The following SAMD12 variants were observed in gnomAD, a reference collection of about 807,000 sequenced individuals.
SAMD12 encodes the protein sterile alpha motif domain-containing protein 12.
SAMD12 carries 9 observed loss-of-function variants against 15.0 expected under a neutral mutation model. The observed-to-expected ratio is 0.60, with a 90% CI of 0.36 to 1.05. The LOEUF is 1.05. Ranked by LOEUF, SAMD12 falls within the 50% of genes least tolerant of loss-of-function variation. The probability of loss-of-function intolerance (pLI) is 0.01; values close to 1 mark genes in which losing one functional copy is unlikely to be tolerated. For missense variants in SAMD12, 230 were observed against 234.2 expected (o/e 0.98, Z 0.12); for synonymous variants, 86 against 90.1 (o/e 0.96, Z 0.25).
At chr8:118,552,979 A>G (rs867526265) in intron 2 of SAMD12, among the ~76,000 whole-genome samples, 8,449 of 150,882 alleles carry the variant, frequency 0.056, 289 homozygotes, top group Non-Finnish European at 0.079. Flanking sequence ...TACAAGGGAC[A>G]TGAAGGACCT....
intron 1 of SAMD12, among the ~76,000 whole-genome samples, chr8:118,611,313 GAA>G (rs1200916221): frequency 6.6e-6 from 1 of 151,650 alleles, no homozygotes. Flanking sequence ...TTAGAAAGCA[GAA>G]AAAAAATGCT....
chr8:118,486,218 T>C (rs913519827), intron 2 of SAMD12, among the ~76,000 whole-genome samples: 8 of 151,826 alleles, frequency 5.3e-5, no homozygotes, highest in African/African-American at 1.5e-4. Flanking sequence ...ATAGAGACCA[T>C]CCTGGCTAAC....
At chr8:118,376,824 A>C (rs925315848), downstream of SAMD12, among the ~76,000 whole-genome samples, 1 of 152,178 alleles carries the variant, frequency 6.6e-6, no homozygotes, top group African/African-American at 2.4e-5. Context: ...TGAAGAATCA[A>C]ATATTCATTA....
intron 3 of SAMD12, among the ~76,000 whole-genome samples, chr8:118,386,046 C>T (rs1819937652): frequency 1.3e-5 from 2 of 152,162 alleles, no homozygotes; most frequent in Non-Finnish European, 2.9e-5. Flanking sequence ...CCTTGCTGAG[C>T]AGATGAGCAG....
intron 3 of SAMD12, among the ~76,000 whole-genome samples, chr8:118,381,797 G>T (rs941926820): frequency 1.3e-5 from 2 of 152,210 alleles, no homozygotes; most frequent in East Asian, 3.8e-4. Flanking sequence ...CAATAAATTT[G>T]TGTTGTTTAA....
chr8:118,436,810 G>A (rs982933242), intron 3 of SAMD12, among the ~76,000 whole-genome samples: 5 of 152,154 alleles, frequency 3.3e-5, no homozygotes, highest in Admixed American at 6.5e-5. Context: ...TACCATCAGG[G>A]CAACACTTGG....
chr8:118,585,356 G>C (rs1167659148), intron 1 of SAMD12, among the ~76,000 whole-genome samples: 5 of 152,124 alleles, frequency 3.3e-5, no homozygotes, highest in Admixed American at 3.3e-4. Context: ...AAACTCTCTG[G>C]AGATGGATGG....
In SAMD12 at chr8:118,621,850, T is replaced by C; in HGVS notation, c.-34A>G. 2 of 1,613,524 alleles carry C rather than the reference T, an allele frequency of 1.2e-6. No individual in the cohort carries two copies. Among genetic ancestry groups the C allele is most frequent in the Non-Finnish European group, 1.7e-6 (2 of 1,179,436 alleles). On this transcript the variant is annotated 5_prime_UTR_variant, in exon 1 of 4. Coordinates refer to ENST00000314727, the MANE Select transcript of SAMD12 (RefSeq NM_207506.3). ...AGCTTCCCTAACGCATGCATAATTT[T>C]CTTGGCCGAGGTACTCCTCCTGCCC...
At chr8:118,360,028 G>T (rs1818411962) in intron 4 of SAMD12, among the ~76,000 whole-genome samples, 1 of 152,142 alleles carries the variant, frequency 6.6e-6, no homozygotes, top group Non-Finnish European at 1.5e-5. Flanking sequence ...CTGAGGTGGA[G>T]CTCTGGGTCA....
At chr8:118,366,052 T>G (rs1182560962) in intron 4 of SAMD12, among the ~76,000 whole-genome samples, 8 of 152,188 alleles carry the variant, frequency 5.3e-5, no homozygotes, top group Admixed American at 5.2e-4. Flanking sequence ...TTATCATATT[T>G]TGCCAAAAGC....
Position 118,491,919 on chromosome 8 carries a change from T to C in SAMD12, c.193-51958A>G, listed in dbSNP as rs555133021. Among the ~76,000 whole-genome samples, 4 of 152,262 alleles carry C rather than the reference T, an allele frequency of 2.6e-5. No individual in the cohort carries two copies. The East Asian group carries it at 7.7e-4, about 29-fold the overall frequency. On this transcript the variant is annotated intron_variant, in intron 2 of 3. Transcript: ENST00000314727. Reference sequence around the variant, plus strand: ...GCGGCTGTGAATATTCACGTACAAGTCTTTGTGTGGATGTTTTTATTTCTC... The same window carrying C: ...GCGGCTGTGAATATTCACGTACAAGCCTTTGTGTGGATGTTTTTATTTCTC...
chr8:118,174,250 T>A, the SAMD12 span, among the ~76,000 whole-genome samples: 20 of 152,238 alleles, frequency 1.3e-4, no homozygotes, highest in African/African-American at 4.8e-4. Context: ...ATTTGTTGCA[T>A]GTGGACCTGT....
intron 3 of SAMD12, among the ~76,000 whole-genome samples, chr8:118,426,007 G>GA (rs1563852805): frequency 2.0e-5 from 3 of 152,018 alleles, no homozygotes; most frequent in South Asian, 2.1e-4. Flanking sequence ...TTATTCATGT[G>GA]AAAAAAAGGA....
intron 4 of SAMD12, among the ~76,000 whole-genome samples, chr8:118,325,995 T>G (rs1255162015): frequency 1.3e-5 from 2 of 152,192 alleles, no homozygotes; most frequent in Non-Finnish European, 2.9e-5. Flanking sequence ...TAAAAATGCA[T>G]GGTGCTGGCT....
chr8:118,459,893 G>C (rs1003505520), intron 2 of SAMD12, among the ~76,000 whole-genome samples: 1 of 152,146 alleles, frequency 6.6e-6, no homozygotes, highest in Non-Finnish European at 1.5e-5. Context: ...TCTAACACAA[G>C]AGCAGACACT....
At chr8:118,382,147 A>G (rs1819706551) in intron 3 of SAMD12, among the ~76,000 whole-genome samples, 1 of 152,208 alleles carries the variant, frequency 6.6e-6, no homozygotes, top group Non-Finnish European at 1.5e-5. Context: ...TCATAAACTT[A>G]TAAATACTGC....
At chr8:118,386,696 T>A (rs1819981945) in intron 3 of SAMD12, among the ~76,000 whole-genome samples, 1 of 152,176 alleles carries the variant, frequency 6.6e-6, no homozygotes, top group African/African-American at 2.4e-5. Context: ...CTAGACCATG[T>A]CTCCGACTTT....
At chr8:118,263,282 C>T (rs1813122640) in intron 4 of SAMD12, among the ~76,000 whole-genome samples, 1 of 152,030 alleles carries the variant, frequency 6.6e-6, no homozygotes, top group African/African-American at 2.4e-5. Context: ...CATTTTAATC[C>T]TTATGTGTGG....
chr8:118,151,679 A>T, the SAMD12 span, among the ~76,000 whole-genome samples: 1 of 151,876 alleles, frequency 6.6e-6, no homozygotes, highest in African/African-American at 2.4e-5. Context: ...ATACAAAAAA[A>T]ATTAGCCAGG....
Sources: allele counts gnomAD v4.1 joint callset (sites outside exome capture counted in the v4.1 genomes callset), GRCh38; gene constraint gnomAD v4.1.1; transcripts MANE v1.5; gene names NCBI Gene and HGNC (gene_info 2026-07-23, HGNC 2026-07-21).